PHLPP1: variants seen among roughly 807,000 people sequenced by gnomAD.
The protein encoded by PHLPP1 is PH domain leucine-rich repeat-containing protein phosphatase 1.
In PHLPP1, 42 loss-of-function variants were observed where a neutral mutation model predicts 117.2. That is an observed-to-expected ratio of 0.36 (90% CI 0.28 to 0.46). The LOEUF is 0.46. Among genes scored for constraint, PHLPP1 ranks in the 20% least tolerant of loss-of-function variants. PHLPP1 has a pLI of 1.00. For synonymous variants in PHLPP1, 1,042 were observed against 970.7 expected (o/e 1.07, Z -1.37); for missense variants, 2,084 against 2,241.9 (o/e 0.93, Z 1.42).
chr18:62,930,518 T>C (rs1909777087), intron 10 of PHLPP1, among the ~76,000 whole-genome samples: 1 of 152,190 alleles, frequency 6.6e-6, no homozygotes, highest in South Asian at 2.1e-4. Flanking sequence ...AAGATTTAAT[T>C]ATCCTATGTA....
chr18:62,720,543 C>T (rs1260308797), intron 1 of PHLPP1, among the ~76,000 whole-genome samples: 1 of 151,972 alleles, frequency 6.6e-6, no homozygotes, highest in Non-Finnish European at 1.5e-5. Flanking sequence ...ATGTGGTTTC[C>T]TACATGCAAA....
chr18:62,943,613 G>A lies in PHLPP1; in HGVS notation c.3162-1496G>A, dbSNP rs560591073. Among the ~76,000 whole-genome samples the A allele has an allele frequency of 6.6e-5, 10 of 152,180 alleles. No homozygotes were observed. The East Asian group carries it at 1.7e-3, about 26-fold the overall frequency. On this transcript the variant is annotated intron_variant, in intron 11 of 16. Coordinates refer to ENST00000262719, the MANE Select transcript of PHLPP1 (RefSeq NM_194449.4). ...CCATTGTGTCACATGGTGAGAGAGG[G>A]GGCAAAAGAGATGCCAGGGTCTTGC... is the stretch of plus-strand genomic sequence containing the variant.
chr18:62,864,640 G>A (rs1463139434), intron 4 of PHLPP1, among the ~76,000 whole-genome samples: 1 of 152,180 alleles, frequency 6.6e-6, no homozygotes, highest in African/African-American at 2.4e-5. Context: ...AACAAAATAA[G>A]TAAAATTATC....
chr18:62,837,135 G>A (rs953264524), intron 2 of PHLPP1, among the ~76,000 whole-genome samples: 3 of 152,066 alleles, frequency 2.0e-5, no homozygotes, highest in African/African-American at 7.2e-5. Flanking sequence ...CAAGGTGTGC[G>A]CTGCCACACC....
intron 4 of PHLPP1, among the ~76,000 whole-genome samples, chr18:62,878,049 A>G (rs1354106949): frequency 6.6e-6 from 1 of 152,180 alleles, no homozygotes; most frequent in Non-Finnish European, 1.5e-5. Context: ...CAGTTATTGT[A>G]TTCTGTCCAC....
At chr18:62,833,344 G>A (rs1466480988) in intron 2 of PHLPP1, among the ~76,000 whole-genome samples, 3 of 152,170 alleles carry the variant, frequency 2.0e-5, no homozygotes, top group African/African-American at 7.2e-5. Flanking sequence ...ATAGTGCTGG[G>A]ATTACAGGCG....
chr18:62,969,862 A>G (rs1911002164), intron 14 of PHLPP1, among the ~76,000 whole-genome samples: 2 of 152,186 alleles, frequency 1.3e-5, no homozygotes, highest in Non-Finnish European at 2.9e-5. Context: ...TCTCATATTT[A>G]AAATGGATTT....
At chr18:62,740,576 G>GT (rs1391806442) in intron 1 of PHLPP1, among the ~76,000 whole-genome samples, 3 of 152,346 alleles carry the variant, frequency 2.0e-5, no homozygotes, top group Admixed American at 1.3e-4. Flanking sequence ...GTTAATTGTA[G>GT]TAAGCATTGT....
chr18:62,733,145 G>A (rs1006011412), intron 1 of PHLPP1, among the ~76,000 whole-genome samples: 1 of 152,200 alleles, frequency 6.6e-6, no homozygotes, highest in African/African-American at 2.4e-5. Context: ...CTATCAAAGA[G>A]AAATCTTTTG....
At chr18:62,886,480 G>T (rs1916293331) in intron 4 of PHLPP1, among the ~76,000 whole-genome samples, 1 of 152,018 alleles carries the variant, frequency 6.6e-6, no homozygotes. Flanking sequence ...TTGCTATGTT[G>T]CCCACTCTGG....
chr18:62,840,605 A>G (rs1489554221), intron 3 of PHLPP1, among the ~76,000 whole-genome samples: 2 of 152,208 alleles, frequency 1.3e-5, no homozygotes, highest in Admixed American at 6.5e-5. Context: ...TCAATTGCCT[A>G]CGCTCTGCTT....
chr18:62,956,815 A>T (rs1910624317), intron 12 of PHLPP1, among the ~76,000 whole-genome samples: 1 of 152,172 alleles, frequency 6.6e-6, no homozygotes, highest in Admixed American at 6.5e-5. Flanking sequence ...ACTGTATGAA[A>T]CATTTTGTGT....
At chr18:62,933,451 A>G (rs1296008318) in intron 10 of PHLPP1, among the ~76,000 whole-genome samples, 28 of 152,186 alleles carry the variant, frequency 1.8e-4, no homozygotes, top group Admixed American at 1.8e-3. Context: ...AGACCTGGGA[A>G]TAAAGCCATA....
chr18:62,812,082 A>G (rs950685025), intron 1 of PHLPP1, among the ~76,000 whole-genome samples: 1 of 152,200 alleles, frequency 6.6e-6, no homozygotes, highest in African/African-American at 2.4e-5. Context: ...AAGAATTTTT[A>G]ATTATATTGG....
At chr18:62,950,297 G>T (rs936594626) in intron 12 of PHLPP1, among the ~76,000 whole-genome samples, 2 of 152,306 alleles carry the variant, frequency 1.3e-5, no homozygotes, top group Middle Eastern at 3.4e-3. Flanking sequence ...CCTTAACTGG[G>T]AAATGGAGTA....
In PHLPP1 at chr18:62,716,683, G is replaced by C; in HGVS notation, c.1000G>C (p.Val334Leu). The change falls in exon 1 of 17, where the codon GTC becomes CTC. Residue 334 changes from valine to leucine, a missense_variant. This residue lies in a region of PHLPP1 where 719 missense variants were observed against 636.0 expected (regional missense o/e 1.13). Coordinates refer to ENST00000262719, the MANE Select transcript of PHLPP1 (RefSeq NM_194449.4). The surrounding 1 kb of genome is among the most constrained non-coding windows in gnomAD (Gnocchi z 5.7). ...CGGCGAGCCGTTCGTTGGGGGCCCT[G>C]TCTCTTCGCCCCGCGCCCCACGGCC... is the stretch of plus-strand genomic sequence containing the variant. The part of the protein sequence containing the change: ...SPGEPFVGGP[V>L]SSPRAPRPVV... The C allele has an allele frequency of 1.4e-6, 2 of 1,466,422 alleles. No homozygotes were observed. Among genetic ancestry groups the C allele is most frequent in the South Asian group, 2.6e-5 (2 of 77,308 alleles). The allele number at this position is 1,466,422 out of a possible 1,614,324, so 90.8% of individuals were successfully genotyped here. A position where few individuals can be genotyped will look rare whatever the true frequency, so the allele number is the denominator to read the frequency against.
At chr18:62,861,190 A>G (rs954123786) in intron 4 of PHLPP1, among the ~76,000 whole-genome samples, 2 of 151,682 alleles carry the variant, frequency 1.3e-5, no homozygotes, top group Admixed American at 6.6e-5. Flanking sequence ...GCTCACTGCA[A>G]CCTCCTCCTC....
chr18:62,898,599 G>A (rs558825788), intron 6 of PHLPP1, among the ~76,000 whole-genome samples: 12 of 152,212 alleles, frequency 7.9e-5, no homozygotes, highest in Admixed American at 5.2e-4. Context: ...CTCTATCTCT[G>A]AGCTGCTCAT....
chr18:62,914,257 A>G (rs1392774385), intron 8 of PHLPP1, among the ~76,000 whole-genome samples: 1 of 152,182 alleles, frequency 6.6e-6, no homozygotes, highest in Non-Finnish European at 1.5e-5. Flanking sequence ...TACAAATTTG[A>G]AAATAAAACT....
Sources: gnomAD v4.1 joint callset for allele counts (sites outside exome capture counted in the v4.1 genomes callset) on GRCh38, gnomAD v4.1.1 for gene constraint, gnomAD v4.1.1 regional missense constraint, Gnocchi (gnomAD v3.1) non-coding constraint, MANE v1.5 for transcripts, NCBI Gene and HGNC (gene_info 2026-07-23, HGNC 2026-07-21) for gene names.